ATF7IP: variants seen among roughly 807,000 people sequenced by gnomAD.
ATF7IP encodes the protein activating transcription factor 7-interacting protein 1.
In ATF7IP, 23 loss-of-function variants were observed where a neutral mutation model predicts 106.4. The ratio of observed to expected loss-of-function variants is 0.22; its 90% CI spans 0.16 to 0.31. The LOEUF is 0.31. Among genes scored for constraint, ATF7IP ranks in the 10% least tolerant of loss-of-function variants. The probability of loss-of-function intolerance (pLI) is 1.00; values close to 1 mark genes in which losing one functional copy is unlikely to be tolerated. For missense variants in ATF7IP, 1,334 were observed against 1,524.3 expected, an observed-to-expected ratio of 0.88 and a Z score of 2.08; for synonymous variants, 542 against 539.0, an observed-to-expected ratio of 1.01 and a Z score of -0.08.
rs1482969989 is a variant in ATF7IP at position 14,497,694 on chromosome 12, C to G, written c.3434C>G (p.Ala1145Gly). Residue 1145 changes from alanine (A) to glycine (G), a missense_variant, in exon 15 of 15, where the codon GCT (alanine) becomes GGT (glycine). Ala to Gly is a moderately conservative substitution (Grantham distance 60). Coordinates refer to ENST00000261168, the MANE Select transcript of ATF7IP (RefSeq NM_018179.5). Reference sequence around the variant, plus strand: ...GTGCACCCAGCACCCTTACCAGAAGCTCCACAACCACAGCGTCTGCCCCCA... The same window carrying G: ...GTGCACCCAGCACCCTTACCAGAAGGTCCACAACCACAGCGTCTGCCCCCA... ...RPVHPAPLPE[A>G]PQPQRLPPEA... The G allele has an allele frequency of 6.2e-7, 1 of 1,614,072 alleles. No individual in the cohort carries two copies. Among genetic ancestry groups the G allele is most frequent in the Non-Finnish European group, 8.5e-7 (1 of 1,180,036 alleles).
chr12:14,382,166 C>G (rs1939029349), intron 1 of ATF7IP, among the ~76,000 whole-genome samples: 3 of 152,168 alleles, frequency 2.0e-5, no homozygotes, highest in African/African-American at 7.2e-5. Flanking sequence ...GATTGCACCA[C>G]TGCACTGTAG....
At chr12:14,397,550 C>T (rs961384436) in intron 1 of ATF7IP, among the ~76,000 whole-genome samples, 23 of 152,080 alleles carry the variant, frequency 1.5e-4, no homozygotes, top group Admixed American at 1.5e-3. Context: ...AACAAATTAA[C>T]ATTTGTTGAT....
intron 1 of ATF7IP, among the ~76,000 whole-genome samples, chr12:14,388,018 T>C (rs943004544): frequency 5.3e-5 from 8 of 150,164 alleles, no homozygotes; most frequent in Admixed American, 3.3e-4. Flanking sequence ...TTCTTTCTTT[T>C]TTTTTTTTTT....
Position 14,478,365 on chromosome 12 carries a change from A to G in ATF7IP, c.2990A>G (p.Gln997Arg). 2 of 1,614,078 alleles carry G rather than the reference A, an allele frequency of 1.2e-6. No individual in the cohort carries two copies. Among genetic ancestry groups the G allele is most frequent in the South Asian group, 2.2e-5 (2 of 91,070 alleles). Reference sequence around the variant, plus strand: ...CCTGTATCAACCATGAGTTCTTCTCAGCCTGTGTCACGACCATTGCAACCC... The same window carrying G: ...CCTGTATCAACCATGAGTTCTTCTCGGCCTGTGTCACGACCATTGCAACCC... ...HTPVSTMSSS[Q>R]PVSRPLQPIQ... Residue 997 changes from glutamine (Q) to arginine (R), a missense_variant, in exon 12 of 15, where the codon CAG becomes CGG. Transcript: ENST00000261168.
chr12:14,494,328 TATA>T (rs1370945481), intron 13 of ATF7IP, among the ~76,000 whole-genome samples: 1 of 115,084 alleles, frequency 8.7e-6, no homozygotes, highest in Non-Finnish European at 1.8e-5. Context: ...TATATATATA[TATA>T]TATGTGTGTG....
At chr12:14,401,612 G>A (rs1940202697) in intron 1 of ATF7IP, among the ~76,000 whole-genome samples, 1 of 149,056 alleles carries the variant, frequency 6.7e-6, no homozygotes. Context: ...AGATAATAAT[G>A]CTTTGTTATA....
intron 11 of ATF7IP, chr12:14,476,280 C>T (rs1391234632): frequency 1.9e-5 from 4 of 208,474 alleles, no homozygotes; most frequent in Non-Finnish European, 3.9e-5. Context: ...GGTGTGATGG[C>T]ATGTGTCTGT....
rs987257822 is a variant in ATF7IP, at chr12:14,499,687, T to A, written c.*1614T>A. The A allele has an allele frequency of 6.6e-6, 1 of 152,200 alleles. No individual in the cohort carries two copies. Among genetic ancestry groups the A allele is most frequent in the African/African-American group, 2.4e-5 (1 of 41,436 alleles). 9.4% of individuals were successfully genotyped at this position (152,200 alleles called of 1,614,324 possible). The stretch of plus-strand genomic sequence containing the variant: ...AGTATATCCCAGAATTAGCTGGGCA[T>A]GTTGGTGCATGCCTGTAATCCCAGC... On this transcript the variant is annotated 3_prime_UTR_variant, in exon 15 of 15. Transcript: ENST00000261168.
At position 14,481,520 on chromosome 12, in the gene ATF7IP, A is replaced by G. The variant is rs1002773647; in HGVS notation, c.3280+335A>G. On this transcript the variant is annotated intron_variant, in intron 13 of 14. Coordinates refer to ENST00000261168, the MANE Select transcript of ATF7IP (RefSeq NM_018179.5). Reference sequence around the variant, plus strand: ...CAAACATGTTGTATACCATAAATATATATAATTTTTGTCAATTAAAAAATA... The same window carrying G: ...CAAACATGTTGTATACCATAAATATGTATAATTTTTGTCAATTAAAAAATA... The G allele has an allele frequency of 1.0e-5, 4 of 397,704 alleles. No homozygotes were observed. In the Admixed American group the frequency reaches 1.4e-4, roughly 14 times the overall value. The allele number at this position is 397,704 out of a possible 1,614,324, so 24.6% of individuals were successfully genotyped here.
chr12:14,440,180 A>G (rs1459163367), intron 5 of ATF7IP, among the ~76,000 whole-genome samples: 1 of 152,180 alleles, frequency 6.6e-6, no homozygotes, highest in African/African-American at 2.4e-5. Context: ...CAACTTGATT[A>G]TTTCCTAGAA....
At chr12:14,374,097 C>A (rs772939981) in intron 1 of ATF7IP, among the ~76,000 whole-genome samples, 132 of 139,306 alleles carry the variant, frequency 9.5e-4, no homozygotes, top group Non-Finnish European at 1.3e-3. Flanking sequence ...GAAAATATGA[C>A]TTTTTTTTTT....
Position 14,460,801 on chromosome 12 carries a change from C to A in ATF7IP, c.2465C>A (p.Pro822Gln), listed in dbSNP as rs1163039400. 6.2e-7 allele frequency: 1 copy of A among 1,614,186 alleles called. No individual in the cohort carries two copies. Among genetic ancestry groups the A allele is most frequent in the African/African-American group, 1.3e-5 (1 of 75,050 alleles). Residue 822 changes from proline (P) to glutamine (Q), a missense_variant, in exon 9 of 15, where the codon CCA becomes CAA. By Grantham distance (76) the Pro-to-Gln change is moderately conservative (BLOSUM62 -1). Around this residue, in one of 10 missense-constraint regions of ATF7IP, gnomAD observed 370 missense variants for 401.2 expected, o/e 0.92. Transcript: ENST00000261168. ...GTTGAATTCATTTCTGTGCAAAGCC[C>A]ACCTACAGTGAGTGGTCTTACCAAA... is the stretch of plus-strand genomic sequence containing the variant. ...GNVEFISVQSPPTVSGLTKNP... is the reference protein window; with the variant it reads ...GNVEFISVQSQPTVSGLTKNP...
Position 14,438,172 on chromosome 12 carries a change from T to C in ATF7IP, c.1834T>C (p.Cys612Arg). ...LLEEKLCALQ[C>R]AVFDKTLAEL... is the part of the protein sequence containing the mutation. Reference sequence around the variant, plus strand: ...GGAAGAAAAATTGTGTGCGCTGCAGTGTGCTGTATTTGATAAGACTTTGGC... The same window carrying C: ...GGAAGAAAAATTGTGTGCGCTGCAGCGTGCTGTATTTGATAAGACTTTGGC... Residue 612 changes from cysteine (C) to arginine (R), a missense_variant, in exon 5 of 15, where the codon TGT (cysteine) becomes CGT (arginine). Transcript: ENST00000261168. 1 of 1,613,364 alleles carries C rather than the reference T, an allele frequency of 6.2e-7. No homozygotes were observed.
rs112622487 is a variant in ATF7IP at position 14,406,749 on chromosome 12, C to T, written c.-7-17160C>T. Among the ~76,000 whole-genome samples, 765 of 150,782 alleles carry T rather than the reference C, an allele frequency of 5.1e-3. 4 individuals carry two copies. The highest frequency in any genetic ancestry group is 0.015 in the East Asian group (77 of 5,112). ...GCATGATCTCAGCTCACTGCCACCA[C>T]GCCTGGCTGACTTTTTGTATTTTTA... is the stretch of plus-strand genomic sequence containing the variant. On this transcript the variant is annotated intron_variant, in intron 1 of 14. Transcript: ENST00000261168.
chr12:14,405,234 A>G (rs1281016345), intron 1 of ATF7IP, among the ~76,000 whole-genome samples: 1 of 152,120 alleles, frequency 6.6e-6, no homozygotes, highest in Non-Finnish European at 1.5e-5. Context: ...ATGTAGAATT[A>G]TAAATAGAAT....
intron 12 of ATF7IP, among the ~76,000 whole-genome samples, chr12:14,479,707 C>T (rs183997377): frequency 5.3e-5 from 8 of 152,242 alleles, no homozygotes; most frequent in Non-Finnish European, 8.8e-5. Flanking sequence ...GATGCTTATG[C>T]AGACTTTCCT....
At chr12:14,496,741 A>G (rs1189986690) in intron 14 of ATF7IP, among the ~76,000 whole-genome samples, 2 of 152,234 alleles carry the variant, frequency 1.3e-5, no homozygotes, top group Admixed American at 1.3e-4. Flanking sequence ...AAAGAATCCA[A>G]TGATATTGGG....
chr12:14,427,378 T>C (rs79201365), intron 2 of ATF7IP, among the ~76,000 whole-genome samples: 124 of 152,086 alleles, frequency 8.2e-4, no homozygotes, highest in African/African-American at 2.4e-3. Flanking sequence ...TTTTTTTTTT[T>C]CCGAGATGGA....
chr12:14,409,133 CTAGA>C (rs1415013883), intron 1 of ATF7IP, among the ~76,000 whole-genome samples: 4 of 151,850 alleles, frequency 2.6e-5, no homozygotes, highest in Admixed American at 6.6e-5. Flanking sequence ...TAATTTTATA[CTAGA>C]TACTCGATAA....
Sources: allele counts gnomAD v4.1 joint callset (sites outside exome capture counted in the v4.1 genomes callset), GRCh38; gene constraint gnomAD v4.1.1; regional missense constraint gnomAD v4.1.1; transcripts MANE v1.5; gene names NCBI Gene and HGNC (gene_info 2026-07-23, HGNC 2026-07-21).